IFT140: variants seen among roughly 807,000 people sequenced by gnomAD.
The protein encoded by IFT140 is intraflagellar transport 140.
A neutral mutation model predicts 164.6 loss-of-function variants in IFT140; 133 were observed. The ratio of observed to expected loss-of-function variants is 0.81; its 90% CI spans 0.70 to 0.93. IFT140 has a LOEUF of 0.93. Ranked by LOEUF, IFT140 falls within the 40% of genes least tolerant of loss-of-function variation. IFT140 has a pLI of 0.00. For synonymous variants in IFT140, 860 were observed against 817.3 expected (o/e 1.05, Z -0.89); for missense variants, 2,045 against 1,972.3 (o/e 1.04, Z -0.70).
chr16:1,596,137 A>T (rs1444069373), intron 4 of IFT140, among the ~76,000 whole-genome samples: 2 of 152,190 alleles, frequency 1.3e-5, no homozygotes, highest in Admixed American at 1.3e-4. Context: ...TTTTAAAAAT[A>T]ATGCTTACAT....
At chr16:1,567,323 G>A (rs1214116734) in intron 15 of IFT140, among the ~76,000 whole-genome samples, 1 of 152,206 alleles carries the variant, frequency 6.6e-6, no homozygotes, top group Non-Finnish European at 1.5e-5. Flanking sequence ...AGTCCCACCT[G>A]CATCAGCCTT....
At chr16:1,523,205 C>T (rs569497967) in intron 26 of IFT140, among the ~76,000 whole-genome samples, 17 of 144,626 alleles carry the variant, frequency 1.2e-4, no homozygotes, top group African/African-American at 2.4e-4. Context: ...GGCAACAGAG[C>T]GAGACCCTGT....
At chr16:1,591,244 C>CT (rs1479656210) in intron 6 of IFT140, among the ~76,000 whole-genome samples, 4 of 152,106 alleles carry the variant, frequency 2.6e-5, no homozygotes, top group Non-Finnish European at 5.9e-5. Flanking sequence ...TCTCCACCCC[C>CT]TTCTCATTAG....
Position 1,553,793 on chromosome 16 carries a change from A to T in IFT140, c.2399+4142T>A. ...GTGGACAGCCTCTCCTCCATCCTAGAGCCTATGTTTCCAGCTGGATTAGGA... is the reference window on the plus strand; with the variant it reads ...GTGGACAGCCTCTCCTCCATCCTAGTGCCTATGTTTCCAGCTGGATTAGGA... On this transcript the variant is annotated intron_variant, in intron 19 of 30. Transcript: ENST00000426508. This position sits in a 1 kb window ranked among gnomAD's most constrained non-coding sequence, Gnocchi z 4.4. The T allele has an allele frequency of 2.5e-6, 3 of 1,196,444 alleles. No individual in the cohort carries two copies. Among genetic ancestry groups the T allele is most frequent in the Non-Finnish European group, 3.2e-6 (3 of 946,146 alleles). 74.1% of individuals were successfully genotyped at this position (1,196,444 alleles called of 1,614,324 possible). A position where few individuals can be genotyped will look rare whatever the true frequency, so the allele number is the denominator to read the frequency against.
Position 1,524,708 on chromosome 16 carries a change from A to G in IFT140, c.2998-13T>C. 1.9e-6 allele frequency: 3 copies of G among 1,575,508 alleles called. No individual in the cohort carries two copies. The South Asian group carries it at 3.4e-5, about 18-fold the overall frequency. On this transcript the variant is annotated splice_polypyrimidine_tract_variant and intron_variant, in intron 23 of 30. Transcript: ENST00000426508. ...CTATTTGCGCAGCCTAGAAAGACAA[A>G]GAACCCAAAGACGAGACACGGTGGC... is the stretch of plus-strand genomic sequence containing the variant.
intron 11 of IFT140, 104 bp downstream of exon 11, chr16:1,584,113 A>C (rs2034732555): frequency 1.2e-6 from 1 of 835,800 alleles, no homozygotes; most frequent in Non-Finnish European, 1.9e-6. Context: ...GATGGAACTG[A>C]GAGTGGCCTA....
intron 7 of IFT140, among the ~76,000 whole-genome samples, chr16:1,588,637 C>G (rs1431307103): frequency 6.6e-6 from 1 of 152,230 alleles, no homozygotes; most frequent in South Asian, 2.1e-4. Flanking sequence ...CTGGTGCTCC[C>G]TGTTCATCCA....
rs1596295080 is a variant in IFT140, at chr16:1,518,372, G to A, written c.4041-15C>T. ...CTGTGTACGTCCTGCCGAGAGCAGA[G>A]ATGAGGCCTGGGCCCCGAAGCCCTG... On this transcript the variant is annotated splice_polypyrimidine_tract_variant and intron_variant, in intron 29 of 30. Coordinates refer to ENST00000426508, the MANE Select transcript of IFT140 (RefSeq NM_014714.4). 6.2e-7 allele frequency: 1 copy of A among 1,610,944 alleles called. No individual in the cohort carries two copies. Among genetic ancestry groups the A allele is most frequent in the African/African-American group, 1.3e-5 (1 of 74,916 alleles).
intron 14 of IFT140, among the ~76,000 whole-genome samples, chr16:1,569,157 A>G (rs1198795369): frequency 2.0e-5 from 3 of 151,844 alleles, no homozygotes; most frequent in African/African-American, 7.3e-5. Context: ...GGCGCCCGCC[A>G]CCGCGCCCGG....
At chr16:1,514,838 C>T (rs760737697) in intron 30 of IFT140, among the ~76,000 whole-genome samples, 5 of 152,156 alleles carry the variant, frequency 3.3e-5, no homozygotes, top group African/African-American at 1.2e-4. Context: ...TAAGATTTTA[C>T]AGCAGCAGTT....
At chr16:1,527,952 G>T (rs187828617) in intron 19 of IFT140, among the ~76,000 whole-genome samples, 3 of 152,214 alleles carry the variant, frequency 2.0e-5, no homozygotes, top group Admixed American at 6.5e-5. Context: ...CTGAGGACTT[G>T]GTTTGTGTCA....
intron 19 of IFT140, chr16:1,534,421 G>C (rs2030842400): frequency 6.2e-7 from 1 of 1,612,384 alleles, no homozygotes; most frequent in Non-Finnish European, 8.5e-7. Flanking sequence ...TGGAGGTCCT[G>C]CTGGCTGGTG....
intron 19 of IFT140, chr16:1,554,073 T>A (rs747810959): frequency 2.5e-5 from 32 of 1,286,972 alleles, no homozygotes; most frequent in Non-Finnish European, 2.0e-5. Flanking sequence ...GGAAGGAAAA[T>A]CTGCCAGGGA....
At chr16:1,548,537 T>C (rs1259729293) in intron 19 of IFT140, among the ~76,000 whole-genome samples, 1 of 152,272 alleles carries the variant, frequency 6.6e-6, no homozygotes, top group East Asian at 1.9e-4. Flanking sequence ...GCTAAAACTC[T>C]TCCCTTACAT....
intron 9 of IFT140, 44 bp from the exon 10 acceptor site, chr16:1,586,319 G>A: frequency 6.4e-7 from 1 of 1,571,258 alleles, no homozygotes; most frequent in Non-Finnish European, 8.6e-7. Flanking sequence ...TTAAAAAAAG[G>A]GAACAAAACA....
intron 19 of IFT140, chr16:1,542,091 G>T: frequency 1.3e-6 from 2 of 1,586,984 alleles, no homozygotes; most frequent in Admixed American, 1.8e-5. Flanking sequence ...GTACCTGGGC[G>T]GGTGTGGCCA....
At chr16:1,582,540 C>G (rs1332655646) in intron 12 of IFT140, among the ~76,000 whole-genome samples, 1 of 152,256 alleles carries the variant, frequency 6.6e-6, no homozygotes, top group Non-Finnish European at 1.5e-5. Context: ...CTGAAGCCAC[C>G]AAGTTTGTGG....
In IFT140 at chr16:1,523,883, C is replaced by T. The variant is rs201884886; in HGVS notation, c.3215G>A (p.Arg1072Gln). The change falls in exon 25 of 31, where the codon CGA (arginine) becomes CAA (glutamine). Residue 1072 changes from arginine (R) to glutamine (Q), a missense_variant. By Grantham distance (43) the Arg-to-Gln change is conservative. Coordinates refer to ENST00000426508, the MANE Select transcript of IFT140 (RefSeq NM_014714.4). Reference sequence around the variant, plus strand: ...CTGCACGCCCTTCTCCTCGTAGTATCGGGCCGCCTCGATCATGTCCTCGGG... The same window carrying T: ...CTGCACGCCCTTCTCCTCGTAGTATTGGGCCGCCTCGATCATGTCCTCGGG... ...SSPEDMIEAA[R>Q]YYEEKGVQMD... is the part of the protein sequence containing the mutation. The T allele has an allele frequency of 5.5e-5, 89 of 1,613,550 alleles. No individual in the cohort carries two copies. The East Asian group carries it at 9.6e-4, about 17-fold the overall frequency.
intron 19 of IFT140, among the ~76,000 whole-genome samples, chr16:1,546,576 C>T (rs1445319045): frequency 1.3e-5 from 2 of 152,354 alleles, no homozygotes; most frequent in Middle Eastern, 3.4e-3. Flanking sequence ...TGAGAAGCTT[C>T]AGGCCCGAGG....
Sources: gnomAD v4.1 joint callset for allele counts (sites outside exome capture counted in the v4.1 genomes callset) on GRCh38, gnomAD v4.1.1 for gene constraint, Gnocchi (gnomAD v3.1) non-coding constraint, MANE v1.5 for transcripts, NCBI Gene and HGNC (gene_info 2026-07-23, HGNC 2026-07-21) for gene names.